Variants in FOCAD observed in about 807,000 individuals in gnomAD.
FOCAD encodes focadhesin.
A neutral mutation model predicts 225.6 loss-of-function variants in FOCAD; 198 were observed. The observed-to-expected ratio is 0.88, with a 90% CI of 0.78 to 0.99. FOCAD has a LOEUF of 0.99. FOCAD is among the 50% of genes least tolerant of loss of function. The pLI is 0.00. For synonymous variants in FOCAD, 897 were observed against 755.0 expected (o/e 1.19, Z -3.08); for missense variants, 2,713 against 2,123.6 (o/e 1.28, Z -5.46).
At chr9:20,791,431 C>G (rs985410629) in intron 11 of FOCAD, among the ~76,000 whole-genome samples, 1 of 152,072 alleles carries the variant, frequency 6.6e-6, no homozygotes, top group African/African-American at 2.4e-5. Flanking sequence ...ATGATCAAAT[C>G]AGGGTAATTA....
At chr9:20,722,052 CTCTTTCTT>C (rs1257544641) in intron 4 of FOCAD, among the ~76,000 whole-genome samples, 14 of 134,582 alleles carry the variant, frequency 1.0e-4, no homozygotes, top group East Asian at 2.3e-4. Flanking sequence ...CTCTCTTTCT[CTCTTTCTT>C]TCTCTGTTTC....
At chr9:20,710,824 A>C (rs986920172) in intron 1 of FOCAD, among the ~76,000 whole-genome samples, 20 of 152,234 alleles carry the variant, frequency 1.3e-4, no homozygotes, top group African/African-American at 3.9e-4. Context: ...CTGGGAGCAC[A>C]GGGCCAAATT....
chr9:20,963,761 C>T (rs1341259399), intron 35 of FOCAD, among the ~76,000 whole-genome samples: 1 of 152,150 alleles, frequency 6.6e-6, no homozygotes, highest in African/African-American at 2.4e-5. Context: ...CAATCTGCAG[C>T]CAATGTTGTG....
intron 5 of FOCAD, among the ~76,000 whole-genome samples, chr9:20,754,889 A>G (rs372142574): frequency 6.6e-6 from 1 of 152,220 alleles, no homozygotes; most frequent in Non-Finnish European, 1.5e-5. Flanking sequence ...ATTAAAAAAT[A>G]CATCCATTAT....
intron 15 of FOCAD, among the ~76,000 whole-genome samples, chr9:20,836,281 T>C (rs1008798016): frequency 6.6e-6 from 1 of 152,144 alleles, no homozygotes; most frequent in African/African-American, 2.4e-5. Flanking sequence ...CATTGTCTGA[T>C]GGCAGGTTTT....
intron 27 of FOCAD, 82 bp from the exon 28 acceptor site, chr9:20,932,932 T>G: frequency 1.1e-5 from 11 of 962,018 alleles, no homozygotes; most frequent in African/African-American, 1.6e-5. Flanking sequence ...AGTAAAATAT[T>G]GAGAGTATAA....
At position 20,986,424 on chromosome 9, in the gene FOCAD, A is replaced by G. The variant is rs1564246485; in HGVS notation, c.4865A>G (p.His1622Arg). 2 of 1,613,166 alleles carry G rather than the reference A, an allele frequency of 1.2e-6. No individual in the cohort carries two copies. ...GAGGTGTTGGCCTGGATGATTCTGC[A>G]CAGCTTATACCAGGCACGGATTGTG... ...EKEVLAWMILHSLYQARIVSH... is the reference protein window; with the variant it reads ...EKEVLAWMILRSLYQARIVSH... Residue 1622 changes from histidine to arginine, a missense_variant, in exon 40 of 44, where the codon CAC becomes CGC. Physicochemically the swap from His to Arg is conservative, Grantham distance 29. Transcript: ENST00000338382.
intron 16 of FOCAD, chr9:20,863,378 C>T (rs112584932): frequency 1.4e-4 from 21 of 152,104 alleles, no homozygotes; most frequent in African/African-American, 4.3e-4. Context: ...TAAACTGCCA[C>T]TCCAGCCATC....
intron 8 of FOCAD, among the ~76,000 whole-genome samples, chr9:20,777,082 T>C (rs1476430956): frequency 6.6e-6 from 1 of 152,156 alleles, no homozygotes; most frequent in Non-Finnish European, 1.5e-5. Context: ...TTTTTTTCTT[T>C]TGTTGTTTTT....
At position 20,953,015 on chromosome 9, in the gene FOCAD, G is replaced by A; in HGVS notation, c.4082G>A (p.Ser1361Asn). The change falls in exon 35 of 44, where the codon AGC (serine) becomes AAC (asparagine). Residue 1361 changes from serine to asparagine, a missense_variant. Ser to Asn is a conservative substitution (Grantham distance 46). Coordinates refer to ENST00000338382, the MANE Select transcript of FOCAD (RefSeq NM_001375567.1). ...ACTGACTATAGCTACTTGCCTGAAA[G>A]CAGTTTTATTGGAGCAGCTATTGGC... The part of the protein sequence containing the change: ...VPTDYSYLPE[S>N]SFIGAAIGFF... 1 of 1,613,612 alleles carries A rather than the reference G, an allele frequency of 6.2e-7. No individual in the cohort carries two copies. The highest frequency in any genetic ancestry group is 8.5e-7 in the Non-Finnish European group (1 of 1,179,764).
chr9:20,802,030 T>G (rs1821896524), intron 11 of FOCAD, among the ~76,000 whole-genome samples: 2 of 152,094 alleles, frequency 1.3e-5, no homozygotes, highest in Admixed American at 6.5e-5. Flanking sequence ...TCAGGACAGT[T>G]AATGTAATGA....
chr9:20,806,467 C>G (rs10964712), intron 11 of FOCAD, among the ~76,000 whole-genome samples: 47,613 of 151,808 alleles, frequency 0.31, 7,895 homozygotes, highest in East Asian at 0.48. Flanking sequence ...CCTTCCCCCT[C>G]AAAAATTCTA....
intron 30 of FOCAD, among the ~76,000 whole-genome samples, chr9:20,947,787 A>G (rs972765792): frequency 6.6e-6 from 1 of 152,144 alleles, no homozygotes; most frequent in Non-Finnish European, 1.5e-5. Context: ...TGCAGAATTC[A>G]TTGGTTTTAA....
chr9:20,878,622 C>G (rs1015239839), intron 19 of FOCAD, among the ~76,000 whole-genome samples: 5 of 152,128 alleles, frequency 3.3e-5, no homozygotes, highest in African/African-American at 1.2e-4. Context: ...AATACCAAAT[C>G]TATTTTAGTC....
Position 20,951,002 on chromosome 9 carries a change from A to G in FOCAD, c.3955A>G (p.Ser1319Gly). ...GTTACCTTTTTATTTGTAGGTCATT[A>G]GTGTCTCTGGGGTGATTGGTCTCCA... ...EVIRTLTQVISVSGVIGLQSN... is the reference protein window; with the variant it reads ...EVIRTLTQVIGVSGVIGLQSN... The change falls in exon 34 of 44, where the codon AGT becomes GGT. Residue 1319 changes from serine to glycine, a missense_variant. By Grantham distance (56) the Ser-to-Gly change is moderately conservative. Coordinates refer to ENST00000338382, the MANE Select transcript of FOCAD (RefSeq NM_001375567.1). The G allele has an allele frequency of 6.2e-7, 1 of 1,612,328 alleles. No individual in the cohort carries two copies. The highest frequency in any genetic ancestry group is 8.5e-7 in the Non-Finnish European group (1 of 1,178,562).
At chr9:20,993,172 T>C (rs1362130339) in intron 42 of FOCAD, 81 bp from the exon 43 acceptor site, 9 of 1,169,696 alleles carry the variant, frequency 7.7e-6, no homozygotes, top group Admixed American at 7.3e-5. Flanking sequence ...TCACCTCATA[T>C]ATATAGGTCC....
rs1398213166 is a variant in FOCAD, at chr9:20,982,338, T to A, written c.4639-19T>A. ...ATTTTACACTGTTTGTTGACATGTTTGGGATTTTTCTTTATCAGAGAAAGG... is the reference window on the plus strand; with the variant it reads ...ATTTTACACTGTTTGTTGACATGTTAGGGATTTTTCTTTATCAGAGAAAGG... On this transcript the variant is annotated intron_variant, in intron 38 of 43. Transcript: ENST00000338382. 6.4e-7 allele frequency: 1 copy of A among 1,563,166 alleles called. No homozygotes were observed. The highest frequency in any genetic ancestry group is 2.2e-5 in the East Asian group (1 of 44,528).
chr9:20,701,958 A>G (rs930593035), intron 1 of FOCAD, among the ~76,000 whole-genome samples: 1 of 152,224 alleles, frequency 6.6e-6, no homozygotes, highest in African/African-American at 2.4e-5. Context: ...GCAGCAAAAT[A>G]TAATGGAAAA....
chr9:20,902,450 G>A (rs117931138), intron 21 of FOCAD, among the ~76,000 whole-genome samples: 1,871 of 152,024 alleles, frequency 0.012, 24 homozygotes, highest in Non-Finnish European at 0.017. Context: ...GGAGAAATTG[G>A]TTAAAGGTCT....
Sources: gnomAD v4.1 joint callset for allele counts (sites outside exome capture counted in the v4.1 genomes callset) on GRCh38, gnomAD v4.1.1 for gene constraint, MANE v1.5 for transcripts, NCBI Gene and HGNC (gene_info 2026-07-23, HGNC 2026-07-21) for gene names.